REL: variants seen among roughly 807,000 people sequenced by gnomAD.
REL encodes the protein proto-oncogene c-Rel.
In REL, 15 loss-of-function variants were observed where a neutral mutation model predicts 45.9. The ratio of observed to expected loss-of-function variants is 0.33; its 90% CI spans 0.22 to 0.50. The LOEUF is 0.50. Among genes scored for constraint, REL ranks in the 20% least tolerant of loss-of-function variants. The pLI is 0.98. For synonymous variants in REL, 239 were observed against 242.1 expected (o/e 0.99, Z 0.12); for missense variants, 601 against 715.2 (o/e 0.84, Z 1.82).
chr2:60,921,325 T>G (rs569795916), intron 9 of REL, among the ~76,000 whole-genome samples: 1 of 152,184 alleles, frequency 6.6e-6, no homozygotes, highest in African/African-American at 2.4e-5. Flanking sequence ...TTAAAAGTTA[T>G]GTGTATTTTC....
At chr2:60,906,857 ATGTGTGTGTGTGTGCG>A (rs1458426454) in intron 4 of REL, among the ~76,000 whole-genome samples, 2 of 139,898 alleles carry the variant, frequency 1.4e-5, no homozygotes, top group African/African-American at 5.4e-5. Flanking sequence ...GTGTGTATGT[ATGTGTGTGTGTGTGCG>A]TGTGTGTATG....
chr2:60,894,702 A>G (rs1439416794), intron 3 of REL, among the ~76,000 whole-genome samples, 157 bp downstream of exon 3: 3 of 152,208 alleles, frequency 2.0e-5, no homozygotes, highest in African/African-American at 7.2e-5. Context: ...TTGCATTAGA[A>G]CTACCCTTTC....
Position 60,926,159 on chromosome 2 carries a change from G to T in REL, c.*3624G>T, listed in dbSNP as rs762621293. The stretch of plus-strand genomic sequence containing the variant: ...TCCCTCCTCCTTTCTCTGCCAGGCT[G>T]TGTTTACTTTATCCTTACATCACCA... On this transcript the variant is annotated 3_prime_UTR_variant, in exon 10 of 10. Coordinates refer to ENST00000394479, the MANE Select transcript of REL (RefSeq NM_001291746.2). 1 of 231,530 alleles carries T rather than the reference G, an allele frequency of 4.3e-6. No individual in the cohort carries two copies. Among genetic ancestry groups the T allele is most frequent in the African/African-American group, 2.2e-5 (1 of 45,294 alleles). The allele number at this position is 231,530 out of a possible 1,614,324, so 14.3% of individuals were successfully genotyped here. A position where few individuals can be genotyped will look rare whatever the true frequency, so the allele number is the denominator to read the frequency against.
At position 60,922,605 on chromosome 2, in the gene REL, C is replaced by T. The variant is rs1674175300; in HGVS notation, c.*70C>T. 1 of 1,443,114 alleles carries T rather than the reference C, an allele frequency of 6.9e-7. No homozygotes were observed. Among genetic ancestry groups the T allele is most frequent in the Non-Finnish European group, 9.2e-7 (1 of 1,091,752 alleles). 89.4% of individuals were successfully genotyped at this position (1,443,114 alleles called of 1,614,324 possible). A position where few individuals can be genotyped will look rare whatever the true frequency, so the allele number is the denominator to read the frequency against. ...GATGCAGCATTTTGTATTTGTCTAA[C>T]TGGGGATATAATACTATATTTATAC... On this transcript the variant is annotated 3_prime_UTR_variant, in exon 10 of 10. Coordinates refer to ENST00000394479, the MANE Select transcript of REL (RefSeq NM_001291746.2).
intron 4 of REL, 65 bp downstream of exon 4, chr2:60,901,148 C>G: frequency 1.2e-6 from 1 of 849,424 alleles, no homozygotes; most frequent in Non-Finnish European, 1.5e-6. Flanking sequence ...TTTTTTCTTT[C>G]TCTTTTTTTT....
Position 60,923,911 on chromosome 2 carries a change from C to T in REL, c.*1376C>T, listed in dbSNP as rs570034317. The stretch of plus-strand genomic sequence containing the variant: ...TCAAAACCATTCATTGGCTTCTCAT[C>T]TCACTCAGAGCAGTCAAAGTCCTTA... On this transcript the variant is annotated 3_prime_UTR_variant, in exon 10 of 10. Coordinates refer to ENST00000394479, the MANE Select transcript of REL (RefSeq NM_001291746.2). The T allele has an allele frequency of 8.6e-6, 2 of 232,908 alleles. No individual in the cohort carries two copies. The highest frequency in any genetic ancestry group is 4.4e-5 in the African/African-American group (2 of 45,444). 14.4% of individuals were successfully genotyped at this position (232,908 alleles called of 1,614,324 possible). A position where few individuals can be genotyped will look rare whatever the true frequency, so the allele number is the denominator to read the frequency against.
chr2:60,917,680 CTGTGTGTGTGTGTGTGTGTGTGTG>C (rs34038794), intron 5 of REL, among the ~76,000 whole-genome samples: 1 of 142,252 alleles, frequency 7.0e-6, no homozygotes, highest in Non-Finnish European at 1.5e-5. Context: ...CCCCAAAATA[CTGTGTGTGTGTGTGTGTGTGTGTG>C]TGTGTGTGTG....
chr2:60,908,298 G>A (rs1673717191), intron 4 of REL, among the ~76,000 whole-genome samples: 1 of 152,150 alleles, frequency 6.6e-6, no homozygotes, highest in African/African-American at 2.4e-5. Context: ...AGTGCCTTGA[G>A]CTATTGAGTT....
At position 60,926,177 on chromosome 2, in the gene REL, C is replaced by T; in HGVS notation, c.*3642C>T. The T allele has an allele frequency of 4.3e-6, 1 of 231,276 alleles. No individual in the cohort carries two copies. 14.3% of individuals were successfully genotyped at this position (231,276 alleles called of 1,614,324 possible). ...CCAGGCTGTGTTTACTTTATCCTTA[C>T]ATCACCACTTAGTGATTCCTTTCTT... On this transcript the variant is annotated 3_prime_UTR_variant, in exon 10 of 10. Coordinates refer to ENST00000394479, the MANE Select transcript of REL (RefSeq NM_001291746.2).
intron 1 of REL, among the ~76,000 whole-genome samples, chr2:60,891,146 G>C (rs963933632): frequency 2.0e-5 from 3 of 152,108 alleles, no homozygotes; most frequent in African/African-American, 7.2e-5. Context: ...TTTAATATTT[G>C]AATGGAGATA....
chr2:60,929,264 G>C lies in REL; in HGVS notation c.*6729G>C, dbSNP rs982820352. On this transcript the variant is annotated 3_prime_UTR_variant, in exon 10 of 10. Coordinates refer to ENST00000394479, the MANE Select transcript of REL (RefSeq NM_001291746.2). The stretch of plus-strand genomic sequence containing the variant: ...CAACCATTGTGGAAGTCAGTGTGGC[G>C]ATTCCTCAGGGATGTAGAACTGGAA... The C allele has an allele frequency of 5.4e-5, 8 of 147,988 alleles. No homozygotes were observed. The highest frequency in any genetic ancestry group is 3.5e-3 in the Middle Eastern group (1 of 286). The allele number at this position is 147,988 out of a possible 1,614,324, so 9.2% of individuals were successfully genotyped here.
chr2:60,922,511 T>C lies in REL; in HGVS notation c.1740T>C (p.Phe580=), dbSNP rs764570141. 1 of 1,602,330 alleles carries C rather than the reference T, an allele frequency of 6.2e-7. No individual in the cohort carries two copies. Among genetic ancestry groups the C allele is most frequent in the Non-Finnish European group, 8.5e-7 (1 of 1,174,410 alleles). The part of the protein sequence containing the change: ...SMQNEQLSDS[F]PYEFFQV ...AAAATGAGCAATTGAGTGACTCCTT[T>C]CCATATGAATTTTTTCAAGTATAAC... Residue 580 remains phenylalanine (F), a synonymous_variant, in exon 10 of 10, where the codon TTT becomes TTC. Coordinates refer to ENST00000394479, the MANE Select transcript of REL (RefSeq NM_001291746.2).
chr2:60,915,324 A>C (rs1367444110), intron 4 of REL, among the ~76,000 whole-genome samples: 2 of 152,198 alleles, frequency 1.3e-5, no homozygotes, highest in Non-Finnish European at 2.9e-5. Flanking sequence ...TACATTTATA[A>C]TGCTGTAAAA....
At position 60,905,370 on chromosome 2, in the gene REL, A is replaced by G. The variant is rs529170520; in HGVS notation, c.394+4287A>G. 9.0e-4 allele frequency among the ~76,000 whole-genome samples: 137 copies of G among 152,312 alleles called. 2 individuals are homozygous for G. Among genetic ancestry groups the G allele is most frequent in the Middle Eastern group, 3.4e-3 (1 of 294 alleles). On this transcript the variant is annotated intron_variant, in intron 4 of 9. Transcript: ENST00000394479. ...CAGCCTCCCAAAGTGCTGGGATTAC[A>G]GGCATGAGCCACCACACCCAGCCTG...
At position 60,924,396 on chromosome 2, in the gene REL, A is replaced by G. The variant is rs2103994168; in HGVS notation, c.*1861A>G. 4.6e-6 allele frequency: 1 copy of G among 215,116 alleles called. No homozygotes were observed. Among genetic ancestry groups the G allele is most frequent in the African/African-American group, 2.2e-5 (1 of 44,490 alleles). The allele number at this position is 215,116 out of a possible 1,614,324, so 13.3% of individuals were successfully genotyped here. ...CAGTAAATGTTTATTGAACATTAAA[A>G]GTATTACTAATAGAACTTTGGTTTT... On this transcript the variant is annotated 3_prime_UTR_variant, in exon 10 of 10. Transcript: ENST00000394479.
intron 7 of REL, 109 bp from the exon 8 acceptor site, chr2:60,919,932 A>G: frequency 1.5e-6 from 1 of 672,322 alleles, no homozygotes; most frequent in Non-Finnish European, 2.6e-6. Context: ...CAACTTACAT[A>G]CATATTTATT....
intron 4 of REL, among the ~76,000 whole-genome samples, chr2:60,901,691 C>G (rs1215362002): frequency 2.0e-5 from 3 of 152,112 alleles, no homozygotes; most frequent in Non-Finnish European, 2.9e-5. Flanking sequence ...TATGCCACTT[C>G]CAGCAGACAA....
chr2:60,906,925 T>TTTTTTTTTTTC (rs1379444628), intron 4 of REL, among the ~76,000 whole-genome samples: 73 of 144,864 alleles, frequency 5.0e-4, no homozygotes, highest in African/African-American at 1.9e-3. Flanking sequence ...TTTTTTTTTT[T>TTTTTTTTTTTC]TTTTCTTTTC....
At chr2:60,881,882 G>A in intron 1 of REL, 32 bp downstream of exon 1, 3 of 1,434,530 alleles carry the variant, frequency 2.1e-6, no homozygotes, top group Non-Finnish European at 2.8e-6. Flanking sequence ...GCCTGGGCCG[G>A]GGGAAAGGAG....
Sources: gnomAD v4.1 joint callset for allele counts (sites outside exome capture counted in the v4.1 genomes callset) on GRCh38, gnomAD v4.1.1 for gene constraint, MANE v1.5 for transcripts, NCBI Gene and HGNC (gene_info 2026-07-23, HGNC 2026-07-21) for gene names.